G2E3: variants seen among roughly 807,000 people sequenced by gnomAD.
The protein encoded by G2E3 is G2/M-phase specific E3 ubiquitin protein ligase.
In G2E3, 35 loss-of-function variants were observed where a neutral mutation model predicts 92.8. The observed-to-expected ratio is 0.38, with a 90% CI of 0.29 to 0.50. G2E3 has a LOEUF of 0.50. G2E3 is among the 20% of genes least tolerant of loss of function. The pLI is 0.94. For synonymous variants in G2E3, 242 were observed against 272.4 expected (o/e 0.89, Z 1.10); for missense variants, 554 against 823.8 (o/e 0.67, Z 4.01).
chr14:30,608,161 C>T (rs1347764967), intron 12 of G2E3, 92 bp downstream of exon 12: 2 of 714,954 alleles, frequency 2.8e-6, no homozygotes, highest in Non-Finnish European at 4.4e-6. Context: ...ATAGTATTAT[C>T]TATGAAGGAG....
chr14:30,583,787 A>G (rs1376760862), intron 2 of G2E3, among the ~76,000 whole-genome samples: 1 of 152,228 alleles, frequency 6.6e-6, no homozygotes, highest in Non-Finnish European at 1.5e-5. Flanking sequence ...TTTCTAAAAA[A>G]GGATTAGTTG....
intron 10 of G2E3, among the ~76,000 whole-genome samples, chr14:30,605,222 T>A (rs914666845): frequency 2.0e-5 from 3 of 152,140 alleles, no homozygotes; most frequent in Admixed American, 2.0e-4. Context: ...AAACCGGAAT[T>A]CACTGGTTGG....
At chr14:30,596,708 T>C (rs1881309318) in intron 6 of G2E3, among the ~76,000 whole-genome samples, 1 of 152,250 alleles carries the variant, frequency 6.6e-6, no homozygotes, top group Non-Finnish European at 1.5e-5. Flanking sequence ...GTTTTATACC[T>C]GTATACCTAC....
chr14:30,581,772 A>G (rs1306666050), intron 2 of G2E3, among the ~76,000 whole-genome samples: 2 of 152,178 alleles, frequency 1.3e-5, no homozygotes, highest in Non-Finnish European at 2.9e-5. Context: ...AATCTTCCCA[A>G]ATAGATGCGG....
intron 2 of G2E3, 134 bp downstream of exon 2, chr14:30,581,250 G>A (rs1880415130): frequency 1.8e-6 from 1 of 555,564 alleles, no homozygotes; most frequent in Non-Finnish European, 3.3e-6. Flanking sequence ...GTATAATATT[G>A]CATATATTTA....
At position 30,561,907 on chromosome 14, in the gene G2E3, TTAG is replaced by T. The variant is rs544005661; in HGVS notation, c.-5+2639_-5+2641del. On this transcript the variant is annotated intron_variant, in intron 1 of 14. Coordinates refer to ENST00000206595, the MANE Select transcript of G2E3 (RefSeq NM_017769.5). ...ATGATAGCATATAATTCTGTGTAGTTTAGTAGAGATTTTAGTGATAGCATATGG... is the reference window on the plus strand; with the variant it reads ...ATGATAGCATATAATTCTGTGTAGTTTAGAGATTTTAGTGATAGCATATGG... 2.8e-3 allele frequency among the ~76,000 whole-genome samples: 421 copies of T among 152,188 alleles called. 1 individual carries two copies. Among genetic ancestry groups the T allele is most frequent in the Middle Eastern group, 6.8e-3 (2 of 294 alleles).
rs1057217344 is a variant in G2E3, at chr14:30,592,208, T to A, written c.238-115T>A. On this transcript the variant is annotated intron_variant, in intron 4 of 14. Coordinates refer to ENST00000206595, the MANE Select transcript of G2E3 (RefSeq NM_017769.5). The stretch of plus-strand genomic sequence containing the variant: ...ATTTAATATACCCTTACCACAGCTG[T>A]TACATGATGAAATAATTTTCAGATT... 9 of 899,094 alleles carry A rather than the reference T, an allele frequency of 1.0e-5. No homozygotes were observed. The Admixed American group carries it at 1.1e-4, about 11-fold the overall frequency. 55.7% of individuals were successfully genotyped at this position (899,094 alleles called of 1,614,324 possible). A position where few individuals can be genotyped will look rare whatever the true frequency, so the allele number is the denominator to read the frequency against.
chr14:30,587,177 T>C (rs1880757448), intron 3 of G2E3, among the ~76,000 whole-genome samples: 1 of 152,278 alleles, frequency 6.6e-6, no homozygotes, highest in African/African-American at 2.4e-5. Context: ...TGTTTGAGGG[T>C]TCAGGGAGTG....
At position 30,617,607 on chromosome 14, in the gene G2E3, T is replaced by A. The variant is rs527617644; in HGVS notation, c.*1073T>A. 18 of 152,260 alleles carry A rather than the reference T, an allele frequency of 1.2e-4. No individual in the cohort carries two copies. Among genetic ancestry groups the A allele is most frequent in the African/African-American group, 3.6e-4 (15 of 41,564 alleles). 9.4% of individuals were successfully genotyped at this position (152,260 alleles called of 1,614,324 possible). A position where few individuals can be genotyped will look rare whatever the true frequency, so the allele number is the denominator to read the frequency against. ...TTGCTCTTGAATGATATCTGTTATA[T>A]AAGCAATGTATAAATAAAGTAAAAA... On this transcript the variant is annotated 3_prime_UTR_variant, in exon 15 of 15. Coordinates refer to ENST00000206595, the MANE Select transcript of G2E3 (RefSeq NM_017769.5).
At chr14:30,606,456 A>G (rs1488577248) in intron 11 of G2E3, among the ~76,000 whole-genome samples, 1 of 152,124 alleles carries the variant, frequency 6.6e-6, no homozygotes, top group African/African-American at 2.4e-5. Context: ...TAAACATCCT[A>G]ACCATTGCCT....
At chr14:30,596,637 T>C (rs1156293830) in intron 6 of G2E3, among the ~76,000 whole-genome samples, 1 of 152,222 alleles carries the variant, frequency 6.6e-6, no homozygotes, top group Non-Finnish European at 1.5e-5. Context: ...ACTTAGGTAC[T>C]CCTTCTTGTT....
chr14:30,564,030 T>C (rs1879287215), intron 1 of G2E3, among the ~76,000 whole-genome samples: 1 of 152,142 alleles, frequency 6.6e-6, no homozygotes, highest in Non-Finnish European at 1.5e-5. Context: ...TTGCTTTTTA[T>C]CTTAAACTTA....
In G2E3 at chr14:30,615,555, ATTTTAC is replaced by A; in HGVS notation, c.1864+22_1864+27del. 6.8e-7 allele frequency: 1 copy of A among 1,468,736 alleles called. No homozygotes were observed. The highest frequency in any genetic ancestry group is 9.2e-7 in the Non-Finnish European group (1 of 1,086,290). The allele number at this position is 1,468,736 out of a possible 1,614,324, so 91.0% of individuals were successfully genotyped here. ...GCTGTTGAAGGTATGTGGATATTTT[ATTTTAC>A]TTTTAACGATCTCAGAATATTTGTT... On this transcript the variant is annotated intron_variant, in intron 14 of 14. Coordinates refer to ENST00000206595, the MANE Select transcript of G2E3 (RefSeq NM_017769.5).
chr14:30,592,439 C>T lies in G2E3; in HGVS notation c.354C>T (p.Gly118=). 1 of 1,577,848 alleles carries T rather than the reference C, an allele frequency of 6.3e-7. No individual in the cohort carries two copies. The highest frequency in any genetic ancestry group is 8.6e-7 in the Non-Finnish European group (1 of 1,165,554). ...GAGAATGTATTTTCCAGTTTACTGGCAATTTTGCGTGAGTTATTTAACTGT... is the reference window on the plus strand; with the variant it reads ...GAGAATGTATTTTCCAGTTTACTGGTAATTTTGCGTGAGTTATTTAACTGT... ...LQRECIFQFT[G]NFASFCWDHR... The change falls in exon 5 of 15, where the codon GGC becomes GGT. Residue 118 remains glycine, a synonymous_variant. Transcript: ENST00000206595.
At position 30,586,895 on chromosome 14, in the gene G2E3, A is replaced by G. The variant is rs1880740910; in HGVS notation, c.135+80A>G. On this transcript the variant is annotated intron_variant, in intron 3 of 14. Coordinates refer to ENST00000206595, the MANE Select transcript of G2E3 (RefSeq NM_017769.5). ...AAGATTCTGACACTGATTTCTGAGA[A>G]TTGGATAAGTCATTTAACTTCTCCA... The G allele has an allele frequency of 6.4e-6, 3 of 470,164 alleles. No individual in the cohort carries two copies. The Admixed American group carries it at 1.2e-4, about 18-fold the overall frequency. 29.1% of individuals were successfully genotyped at this position (470,164 alleles called of 1,614,324 possible). A position where few individuals can be genotyped will look rare whatever the true frequency, so the allele number is the denominator to read the frequency against.
chr14:30,603,942 C>T (rs202239680), intron 10 of G2E3, among the ~76,000 whole-genome samples: 1 of 152,218 alleles, frequency 6.6e-6, no homozygotes, highest in East Asian at 1.9e-4. Flanking sequence ...ATTAAGTACT[C>T]TTTCAAAATG....
At chr14:30,604,947 A>C (rs1881758534) in intron 10 of G2E3, among the ~76,000 whole-genome samples, 2 of 152,070 alleles carry the variant, frequency 1.3e-5, no homozygotes, top group Admixed American at 1.3e-4. Context: ...CCCAGGCTGG[A>C]GTGCAATGGC....
chr14:30,612,197 T>C lies in G2E3; in HGVS notation c.1501-10T>C, dbSNP rs921905242. ...TGAGTAAAGTGGCTGTATTTTCTCC[T>C]TCATTACAGATAAATACTGCAACAA... On this transcript the variant is annotated splice_polypyrimidine_tract_variant and intron_variant, in intron 12 of 14. Transcript: ENST00000206595. 6.3e-7 allele frequency: 1 copy of C among 1,596,200 alleles called. No homozygotes were observed. Among genetic ancestry groups the C allele is most frequent in the African/African-American group, 1.3e-5 (1 of 74,566 alleles).
rs1240547833 is a variant in G2E3 at position 30,617,654 on chromosome 14, C to G, written c.*1120C>G. ...AAAAGGATAGAATGAAAAACCCATT[C>G]TAATGTCACCACTCAGAGATAAGTA... On this transcript the variant is annotated 3_prime_UTR_variant, in exon 15 of 15. Coordinates refer to ENST00000206595, the MANE Select transcript of G2E3 (RefSeq NM_017769.5). The G allele has an allele frequency of 6.6e-6, 1 of 152,026 alleles. No individual in the cohort carries two copies. The highest frequency in any genetic ancestry group is 6.6e-5 in the Admixed American group (1 of 15,256). 9.4% of individuals were successfully genotyped at this position (152,026 alleles called of 1,614,324 possible).
Sources: allele counts gnomAD v4.1 joint callset (sites outside exome capture counted in the v4.1 genomes callset), GRCh38; gene constraint gnomAD v4.1.1; transcripts MANE v1.5; gene names NCBI Gene and HGNC (gene_info 2026-07-23, HGNC 2026-07-21).